Variants in CAPS2 observed in about 807,000 individuals in gnomAD.
CAPS2 encodes calcyphosin-2.
In CAPS2, 98 loss-of-function variants were observed where a neutral mutation model predicts 86.5. The observed-to-expected ratio is 1.13, with a 90% confidence interval of 0.96 to 1.34. CAPS2 has a LOEUF of 1.34. CAPS2 is among the 40% of genes most tolerant of loss of function. CAPS2 has a pLI of 0.00. For missense variants in CAPS2, 729 were observed against 686.8 expected, an observed-to-expected ratio of 1.06 and a Z score of -0.69; for synonymous variants, 210 against 225.1, an observed-to-expected ratio of 0.93 and a Z score of 0.60.
chr12:75,278,975 A>G (rs1354245201), exon 17 of CAPS2: 1 of 1,610,970 alleles, frequency 6.2e-7, no homozygotes, highest in Non-Finnish European at 8.5e-7. Flanking sequence ...GTAATCTTCA[A>G]ATTCACCATA....
At chr12:75,294,918 GA>G (rs2036624685) in intron 11 of CAPS2, 1 of 152,200 alleles carries the variant, frequency 6.6e-6, no homozygotes. Context: ...AAAAAAGAAA[GA>G]AAACTCAAAG....
intron 1 of CAPS2, among the ~76,000 whole-genome samples, chr12:75,372,786 C>T (rs142704061): frequency 2.3e-4 from 35 of 152,304 alleles, no homozygotes; most frequent in African/African-American, 6.3e-4. Flanking sequence ...ATGGGGAACA[C>T]GGTAAGACCA....
chr12:75,369,545 A>G, intron 1 of CAPS2: 1 of 982,528 alleles, frequency 1.0e-6, no homozygotes, highest in African/African-American at 1.7e-5. Context: ...GATGTGGAAA[A>G]GACATCGAGA....
At chr12:75,386,600 C>T (rs2045305021) in intron 1 of CAPS2, among the ~76,000 whole-genome samples, 1 of 152,152 alleles carries the variant, frequency 6.6e-6, no homozygotes, top group African/African-American at 2.4e-5. Context: ...GATCCCACCC[C>T]TCAATGCTGT....
chr12:75,330,254 T>G (rs574178975), upstream of CAPS2, among the ~76,000 whole-genome samples: 2 of 152,122 alleles, frequency 1.3e-5, no homozygotes, highest in Non-Finnish European at 1.5e-5. Context: ...CTCTCAGAAG[T>G]ACTTGCTGGC....
chr12:75,333,402 A>G (rs1185737661), upstream of CAPS2, among the ~76,000 whole-genome samples: 1 of 152,176 alleles, frequency 6.6e-6, no homozygotes, highest in Non-Finnish European at 1.5e-5. Context: ...GTAGATGTAT[A>G]TAACTGTATT....
intron 1 of CAPS2, among the ~76,000 whole-genome samples, chr12:75,375,834 A>G (rs912423905): frequency 1.3e-5 from 2 of 152,182 alleles, no homozygotes; most frequent in African/African-American, 2.4e-5. Flanking sequence ...GTTGAGTGCC[A>G]CTACTTGGCC....
intron 11 of CAPS2, among the ~76,000 whole-genome samples, chr12:75,296,191 G>A (rs527626530): frequency 1.1e-4 from 14 of 125,376 alleles, no homozygotes; most frequent in African/African-American, 3.9e-4. Flanking sequence ...TTAAGAATAT[G>A]TGATCTGTGT....
chr12:75,383,080 T>C (rs2045088045), intron 1 of CAPS2, among the ~76,000 whole-genome samples: 1 of 152,260 alleles, frequency 6.6e-6, no homozygotes, highest in African/African-American at 2.4e-5. Flanking sequence ...CAACCTGTGA[T>C]TTAATACGTA....
intron 11 of CAPS2, among the ~76,000 whole-genome samples, chr12:75,294,093 G>A (rs138770459): frequency 1.5e-3 from 233 of 152,058 alleles, no homozygotes; most frequent in African/African-American, 5.1e-3. Context: ...CACCACGCCC[G>A]GCTGGTTCTT....
At chr12:75,363,946 T>C (rs2043792538) in intron 1 of CAPS2, among the ~76,000 whole-genome samples, 1 of 152,168 alleles carries the variant, frequency 6.6e-6, no homozygotes, top group Non-Finnish European at 1.5e-5. Context: ...AAAGGCAGAT[T>C]CAAAGATGTT....
intron 1 of CAPS2, among the ~76,000 whole-genome samples, chr12:75,363,869 C>A (rs1381832889): frequency 1.3e-5 from 2 of 152,068 alleles, no homozygotes; most frequent in African/African-American, 4.8e-5. Context: ...TCAATACATG[C>A]AAGATGTACA....
chr12:75,292,971 G>A (rs2036258911), intron 12 of CAPS2, among the ~76,000 whole-genome samples: 1 of 150,750 alleles, frequency 6.6e-6, no homozygotes, highest in African/African-American at 2.4e-5. Context: ...GGTAATACTT[G>A]GTAAAATAAA....
chr12:75,322,803 A>C (rs934290984), intron 4 of CAPS2: 4 of 538,714 alleles, frequency 7.4e-6, no homozygotes, highest in Non-Finnish European at 1.3e-5. Flanking sequence ...AAAAATTTTA[A>C]AATACCAATT....
chr12:75,364,200 G>A (rs141242927), intron 1 of CAPS2, among the ~76,000 whole-genome samples: 221 of 152,284 alleles, frequency 1.5e-3, no homozygotes, highest in African/African-American at 5.0e-3. Context: ...ATTACAAAAG[G>A]GAGGAAGGTA....
chr12:75,380,423 T>G lies in CAPS2; in HGVS notation c.-395+10415A>C, dbSNP rs537862944. ...AGCAACATATCACTTGCCAATGTCC[T>G]CCAGACTAAAACTACCAGCAACTCA... is the stretch of plus-strand genomic sequence containing the variant. On this transcript the variant is annotated intron_variant, in intron 1 of 5. Transcript: ENST00000551829. 2.4e-4 allele frequency among the ~76,000 whole-genome samples: 36 copies of G among 152,300 alleles called. No individual in the cohort carries two copies. In the East Asian group the frequency reaches 6.9e-3, roughly 29 times the overall value.
chr12:75,296,090 A>T (rs900948113), intron 11 of CAPS2, among the ~76,000 whole-genome samples: 4 of 152,190 alleles, frequency 2.6e-5, no homozygotes, highest in African/African-American at 9.7e-5. Flanking sequence ...AGTAGAACAC[A>T]GCAGTTTAGA....
At chr12:75,376,771 C>T (rs1330505430) in intron 1 of CAPS2, among the ~76,000 whole-genome samples, 3 of 152,128 alleles carry the variant, frequency 2.0e-5, no homozygotes, top group Admixed American at 2.0e-4. Context: ...TGAGGCTGAG[C>T]GTGCACCTTT....
In CAPS2 at chr12:75,298,976, T is replaced by C. The variant is rs771658308; in HGVS notation, c.855-10A>G. On this transcript the variant is annotated splice_polypyrimidine_tract_variant and intron_variant, in intron 9 of 16. Transcript: ENST00000393284. ...AGCATCACGTCCATTACTGGAAAAA[T>C]AGAATGAAATCAAACATCTTCAAAT... is the stretch of plus-strand genomic sequence containing the variant. 1.2e-5 allele frequency: 18 copies of C among 1,526,510 alleles called. No individual in the cohort carries two copies. The highest frequency in any genetic ancestry group is 6.0e-5 in the South Asian group (5 of 82,746). The allele number at this position is 1,526,510 out of a possible 1,614,324, so 94.6% of individuals were successfully genotyped here.
Sources: gnomAD v4.1 joint callset for allele counts (sites outside exome capture counted in the v4.1 genomes callset) on GRCh38, gnomAD v4.1.1 for gene constraint, MANE v1.5 for transcripts, NCBI Gene and HGNC (gene_info 2026-07-23, HGNC 2026-07-21) for gene names.